The following FBLIM1 variants were observed in gnomAD, a reference collection of about 807,000 sequenced individuals.
The protein encoded by FBLIM1 is filamin-binding LIM protein 1.
A neutral mutation model predicts 37.4 loss-of-function variants in FBLIM1; 29 were observed. That is an observed-to-expected ratio of 0.77 (90% CI 0.58 to 1.06). The LOEUF (loss-of-function observed/expected upper bound fraction) is 1.06, where lower values mean the gene tolerates loss of function less well. Among genes scored for constraint, FBLIM1 ranks in the 50% least tolerant of loss-of-function variants. FBLIM1 has a pLI of 0.00. For synonymous variants in FBLIM1, 193 were observed against 199.0 expected (o/e 0.97, Z 0.25); for missense variants, 449 against 505.6 (o/e 0.89, Z 1.07).
At chr1:15,771,763 A>T (rs1258281213) in intron 6 of FBLIM1, among the ~76,000 whole-genome samples, 2 of 151,762 alleles carry the variant, frequency 1.3e-5, no homozygotes, top group Admixed American at 6.6e-5. Context: ...CGGGCAAGGT[A>T]ACATTCGGGG....
At chr1:15,783,173 C>G (rs1359309115) in intron 8 of FBLIM1, among the ~76,000 whole-genome samples, 1 of 152,150 alleles carries the variant, frequency 6.6e-6, no homozygotes, top group African/African-American at 2.4e-5. Flanking sequence ...AAATTGTCCC[C>G]CCTGTTATTC....
rs2069725224 is a variant in FBLIM1, at chr1:15,784,434, G to A, written c.1009-114G>A. 9 of 775,272 alleles carry A rather than the reference G, an allele frequency of 1.2e-5. No homozygotes were observed. The South Asian group carries it at 1.5e-4, about 13-fold the overall frequency. The allele number at this position is 775,272 out of a possible 1,614,324, so 48.0% of individuals were successfully genotyped here. A position where few individuals can be genotyped will look rare whatever the true frequency, so the allele number is the denominator to read the frequency against. ...TGAGCAGCCTCCTTCCTCCCACTTAGGAAGGGCATCCACTCATGCAGTTGG... is the reference window on the plus strand; with the variant it reads ...TGAGCAGCCTCCTTCCTCCCACTTAAGAAGGGCATCCACTCATGCAGTTGG... On this transcript the variant is annotated intron_variant, in intron 8 of 8. Transcript: ENST00000375766.
intron 6 of FBLIM1, among the ~76,000 whole-genome samples, chr1:15,774,203 G>A (rs907849366): frequency 1.3e-5 from 2 of 152,166 alleles, no homozygotes; most frequent in Non-Finnish European, 2.9e-5. Flanking sequence ...TGTGGAATTT[G>A]GCTCTGAGCT....
chr1:15,770,953 G>A lies in FBLIM1; in HGVS notation c.711+375G>A, dbSNP rs1163129230. On this transcript the variant is annotated intron_variant, in intron 6 of 8. Transcript: ENST00000375766. ...TCTTCTTCTTCTTCTTTTTTTTTGC[G>A]GTGGGGGACGGAGTCTCACTCTATC... 4.6e-5 allele frequency among the ~76,000 whole-genome samples: 7 copies of A among 151,464 alleles called. No individual in the cohort carries two copies. The South Asian group carries it at 1.0e-3, about 23-fold the overall frequency.
intron 4 of FBLIM1, among the ~76,000 whole-genome samples, chr1:15,767,831 T>C (rs2069001500): frequency 6.6e-6 from 1 of 152,110 alleles, no homozygotes; most frequent in Admixed American, 6.6e-5. Flanking sequence ...GAGGAAGACG[T>C]TTCCCTGAGT....
chr1:15,777,375 G>T, intron 8 of FBLIM1, 88 bp downstream of exon 8: 2 of 857,470 alleles, frequency 2.3e-6, no homozygotes, highest in Non-Finnish European at 3.8e-6. Context: ...ACAGGTCAGG[G>T]TGGGGGCTGT....
chr1:15,767,617 C>T (rs957864649), intron 4 of FBLIM1, 54 bp downstream of exon 4: 19 of 642,042 alleles, frequency 3.0e-5, no homozygotes, highest in Middle Eastern at 4.3e-4. Flanking sequence ...GGTTGGGGCA[C>T]GGGGAGTCTG....
chr1:15,783,913 C>T lies in FBLIM1; in HGVS notation c.1009-635C>T, dbSNP rs1014800268. Among the ~76,000 whole-genome samples the T allele has an allele frequency of 9.2e-5, 14 of 152,272 alleles. No individual in the cohort carries two copies. The South Asian group carries it at 2.5e-3, about 27-fold the overall frequency. ...TATGTTCTAAAGGGGTTATTGAAGC[C>T]GGGCGCACTGGCTCACACCTGTAAT... On this transcript the variant is annotated intron_variant, in intron 8 of 8. Transcript: ENST00000375766.
intron 4 of FBLIM1, among the ~76,000 whole-genome samples, chr1:15,767,908 G>C (rs2069004737): frequency 1.3e-5 from 2 of 151,986 alleles, no homozygotes; most frequent in African/African-American, 4.8e-5. Context: ...TTTTGAGATG[G>C]AGTCTCGCTC....
chr1:15,768,777 T>C (rs1415967209), intron 5 of FBLIM1, 147 bp downstream of exon 5: 8 of 516,094 alleles, frequency 1.6e-5, no homozygotes, highest in Non-Finnish European at 2.3e-5. Context: ...TCGGCATCCA[T>C]TTAATTTGTA....
chr1:15,781,250 C>T (rs907990387), intron 8 of FBLIM1, among the ~76,000 whole-genome samples: 1 of 151,710 alleles, frequency 6.6e-6, no homozygotes. Context: ...CCCAGCTACT[C>T]GGGAGGGTGA....
chr1:15,766,504 C>T (rs2068930951), intron 3 of FBLIM1, among the ~76,000 whole-genome samples: 1 of 152,062 alleles, frequency 6.6e-6, no homozygotes. Flanking sequence ...ACCAGGGTTG[C>T]CAGGCTGGTC....
chr1:15,767,806 ACCT>A (rs2069001026), intron 4 of FBLIM1, among the ~76,000 whole-genome samples: 1 of 151,840 alleles, frequency 6.6e-6, no homozygotes, highest in Non-Finnish European at 1.5e-5. Flanking sequence ...TGCCGCAGAC[ACCT>A]CCTTCAGCTC....
chr1:15,768,464 A>C, intron 4 of FBLIM1, 64 bp from the exon 5 acceptor site: 1 of 1,134,238 alleles, frequency 8.8e-7, no homozygotes, highest in Admixed American at 2.9e-5. Context: ...CACCCAGATG[A>C]GGAACAGAGC....
chr1:15,769,541 A>C (rs1189933655), intron 5 of FBLIM1, among the ~76,000 whole-genome samples: 4 of 152,156 alleles, frequency 2.6e-5, no homozygotes, highest in Admixed American at 2.6e-4. Flanking sequence ...GTAGTGGTTC[A>C]TGCCTGTAAT....
chr1:15,771,047 C>T (rs1305761020), intron 6 of FBLIM1, among the ~76,000 whole-genome samples: 6 of 152,108 alleles, frequency 3.9e-5, no homozygotes, highest in African/African-American at 1.4e-4. Context: ...TCAAGGGATT[C>T]TCCTGCCTCA....
intron 8 of FBLIM1, among the ~76,000 whole-genome samples, chr1:15,778,010 C>T (rs1569864254): frequency 6.6e-6 from 1 of 152,130 alleles, no homozygotes; most frequent in Admixed American, 6.6e-5. Flanking sequence ...AGCTTAGAAA[C>T]CCTAGGGGAA....
rs149301626 is a variant in FBLIM1, at chr1:15,784,917, TC to T, written c.*258del. 0.12 allele frequency: 45,585 copies of T among 369,720 alleles called. 3,526 individuals carry two copies. The highest frequency in any genetic ancestry group is 0.15 in the Non-Finnish European group (31,265 of 201,826). 22.9% of individuals were successfully genotyped at this position (369,720 alleles called of 1,614,324 possible). On this transcript the variant is annotated 3_prime_UTR_variant, in exon 9 of 9. Coordinates refer to ENST00000375766, the MANE Select transcript of FBLIM1 (RefSeq NM_017556.4). ...AATTCCCTGCTGACCCTGCCCCACT[TC>T]CAGGGAAAAGCTGGGGGAGGTTGGA...
chr1:15,780,318 C>T (rs1214822936), intron 8 of FBLIM1, among the ~76,000 whole-genome samples: 1 of 152,160 alleles, frequency 6.6e-6, no homozygotes, highest in Non-Finnish European at 1.5e-5. Flanking sequence ...CTTGCCTCAG[C>T]CTCCTGAGTA....
Sources: gnomAD v4.1 joint callset for allele counts (sites outside exome capture counted in the v4.1 genomes callset) on GRCh38, gnomAD v4.1.1 for gene constraint, MANE v1.5 for transcripts, NCBI Gene and HGNC (gene_info 2026-07-23, HGNC 2026-07-21) for gene names.